FAXDC2: variants seen among roughly 807,000 people sequenced by gnomAD.
FAXDC2 encodes the protein fatty acid hydroxylase domain-containing protein 2.
FAXDC2 carries 41 observed loss-of-function variants against 40.9 expected under a neutral mutation model. The ratio of observed to expected loss-of-function variants is 1.00; its 90% CI spans 0.78 to 1.30. The LOEUF is 1.30. Ranked by LOEUF, FAXDC2 falls within the 50% of genes most tolerant of loss-of-function variation. The pLI, the probability that FAXDC2 is intolerant of heterozygous loss-of-function variation, is 0.00. For synonymous variants in FAXDC2, 157 were observed against 149.3 expected (o/e 1.05, Z -0.38); for missense variants, 390 against 408.8 (o/e 0.95, Z 0.40).
chr5:154,837,932 G>C (rs1760391663), intron 2 of FAXDC2, among the ~76,000 whole-genome samples, 199 bp downstream of exon 2: 2 of 152,224 alleles, frequency 1.3e-5, no homozygotes, highest in Admixed American at 1.3e-4. Flanking sequence ...TTCGCAGTCT[G>C]CATTCAGGCA....
At chr5:154,845,217 T>G (rs1760572132) in intron 1 of FAXDC2, among the ~76,000 whole-genome samples, 1 of 152,218 alleles carries the variant, frequency 6.6e-6, no homozygotes, top group African/African-American at 2.4e-5. Context: ...TGCAGACATG[T>G]TTTCAGTTTT....
intron 4 of FAXDC2, among the ~76,000 whole-genome samples, chr5:154,833,899 A>AC (rs1760254878): frequency 6.8e-6 from 1 of 146,776 alleles, no homozygotes; most frequent in African/African-American, 2.5e-5. Context: ...CAAACTCCTG[A>AC]CCTCGTGATC....
At chr5:154,838,231 G>A (rs1760400458) in intron 1 of FAXDC2, 53 bp from the exon 2 acceptor site, 1 of 1,575,446 alleles carries the variant, frequency 6.3e-7, no homozygotes. Context: ...AAACATCTAA[G>A]GAAGTAGGGA....
chr5:154,823,103 C>T (rs1046635907), intron 6 of FAXDC2, among the ~76,000 whole-genome samples: 1 of 152,194 alleles, frequency 6.6e-6, no homozygotes, highest in Non-Finnish European at 1.5e-5. Flanking sequence ...CCTTGACCTC[C>T]CGGGCTCATG....
intron 2 of FAXDC2, among the ~76,000 whole-genome samples, 165 bp downstream of exon 2, chr5:154,837,966 T>C (rs1305497527): frequency 6.6e-6 from 1 of 152,220 alleles, no homozygotes; most frequent in Non-Finnish European, 1.5e-5. Flanking sequence ...TAAAAGGCAG[T>C]TGGCAGTCAA....
rs1340050783 is a variant in FAXDC2, at chr5:154,834,680, C to T, written c.189G>A (p.Gln63=). 4 of 1,613,406 alleles carry T rather than the reference C, an allele frequency of 2.5e-6. No homozygotes were observed. In the Admixed American group the frequency reaches 6.7e-5, roughly 27 times the overall value. ...CAAATGTAGTCAGCAGCCTCTCCCA[C>T]TGGGCTTGCCAAAAGTAGCCAGAAG... ...WGASGYFWQA[Q]WERLLTTFEG... The change falls in exon 4 of 9, where the codon CAG becomes CAA. Residue 63 remains glutamine, a synonymous_variant. Coordinates refer to ENST00000326080, the MANE Select transcript of FAXDC2 (RefSeq NM_032385.5).
At chr5:154,835,281 A>C (rs941157143) in intron 2 of FAXDC2, 1 of 223,328 alleles carries the variant, frequency 4.5e-6, no homozygotes. Flanking sequence ...AAATGGAGAT[A>C]CCCATTATCT....
At chr5:154,847,346 T>C (rs1357309669) in intron 1 of FAXDC2, among the ~76,000 whole-genome samples, 3 of 152,186 alleles carry the variant, frequency 2.0e-5, no homozygotes, top group South Asian at 2.1e-4. Context: ...AGTGAAGCTA[T>C]AGCTAATGTT....
At chr5:154,835,261 TCC>T in intron 2 of FAXDC2, 1 of 243,734 alleles carries the variant, frequency 4.1e-6, no homozygotes. Context: ...TCATCACCAG[TCC>T]TCTTGGCAAA....
At chr5:154,835,180 C>T in intron 2 of FAXDC2, 1 of 440,096 alleles carries the variant, frequency 2.3e-6, no homozygotes, top group Non-Finnish European at 4.1e-6. Context: ...GGGAATTAGC[C>T]TGACTCCAGA....
At chr5:154,848,120 T>G (rs1270700992) in intron 1 of FAXDC2, among the ~76,000 whole-genome samples, 2 of 152,216 alleles carry the variant, frequency 1.3e-5, no homozygotes, top group African/African-American at 2.4e-5. Flanking sequence ...ATTACAGGCG[T>G]GAGCCACCAT....
chr5:154,824,400 TG>T, intron 5 of FAXDC2: 1 of 683,588 alleles, frequency 1.5e-6, no homozygotes, highest in Non-Finnish European at 2.7e-6. Context: ...CTCTGTGAGC[TG>T]GAGGGATTTC....
At chr5:154,840,197 T>C (rs1446473039) in intron 1 of FAXDC2, among the ~76,000 whole-genome samples, 1 of 152,246 alleles carries the variant, frequency 6.6e-6, no homozygotes, top group Non-Finnish European at 1.5e-5. Flanking sequence ...TCTAAATGCA[T>C]GTTTACCAGC....
At position 154,849,971 on chromosome 5, in the gene FAXDC2, C is replaced by T. The variant is rs188506323; in HGVS notation, c.-1+512G>A. ...ATCAAAACAGTTTCAACCTACTTGTCTAGCTCATAGCCCACACATCTATCC... is the reference window on the plus strand; with the variant it reads ...ATCAAAACAGTTTCAACCTACTTGTTTAGCTCATAGCCCACACATCTATCC... On this transcript the variant is annotated intron_variant, in intron 1 of 8. Coordinates refer to ENST00000326080, the MANE Select transcript of FAXDC2 (RefSeq NM_032385.5). Among the ~76,000 whole-genome samples the T allele has an allele frequency of 2.3e-3, 350 of 152,332 alleles. 4 individuals carry two copies. The highest frequency in any genetic ancestry group is 1.7e-3 in the Non-Finnish European group (113 of 68,026).
chr5:154,820,214 T>G lies in FAXDC2; in HGVS notation c.*102A>C. Reference sequence around the variant, plus strand: ...TCCCTCTACCCTGGTGGTGCCATCATTAGGGCGTGTGGCCGAAGGAGGCAA... The same window carrying G: ...TCCCTCTACCCTGGTGGTGCCATCAGTAGGGCGTGTGGCCGAAGGAGGCAA... On this transcript the variant is annotated 3_prime_UTR_variant, in exon 9 of 9. Coordinates refer to ENST00000326080, the MANE Select transcript of FAXDC2 (RefSeq NM_032385.5). 1 of 945,798 alleles carries G rather than the reference T, an allele frequency of 1.1e-6. No individual in the cohort carries two copies. The highest frequency in any genetic ancestry group is 1.6e-6 in the Non-Finnish European group (1 of 625,848). The allele number at this position is 945,798 out of a possible 1,614,324, so 58.6% of individuals were successfully genotyped here.
chr5:154,821,268 G>A lies in FAXDC2; in HGVS notation c.837C>T (p.His279=), dbSNP rs369631535. The part of the protein sequence containing the change: ...FLPSPEFHDY[H]HLKFNQCYGV... The stretch of plus-strand genomic sequence containing the variant: ...GGGGAGAAGGTCCTTACTTGAGATG[G>A]TGGTAGTCGTGGAATTCAGGCGAAG... Residue 279 remains histidine (H), a synonymous_variant, in exon 8 of 9, where the codon CAC becomes CAT. Transcript: ENST00000326080. 7.4e-6 allele frequency: 12 copies of A among 1,612,066 alleles called. No homozygotes were observed. In the South Asian group the frequency reaches 1.1e-4, roughly 15 times the overall value.
intron 1 of FAXDC2, among the ~76,000 whole-genome samples, chr5:154,841,642 C>T (rs1457310752): frequency 6.6e-6 from 1 of 152,120 alleles, no homozygotes; most frequent in Non-Finnish European, 1.5e-5. Context: ...TGGCTTGATT[C>T]TGAGTTTGGC....
intron 5 of FAXDC2, chr5:154,824,591 A>G: frequency 1.4e-6 from 1 of 702,376 alleles, no homozygotes. Flanking sequence ...TGAGGCCATT[A>G]CACCTTCTGG....
Position 154,830,923 on chromosome 5 carries a change from C to A in FAXDC2, c.245-1G>T. 1 of 1,613,494 alleles carries A rather than the reference C, an allele frequency of 6.2e-7. No individual in the cohort carries two copies. Among genetic ancestry groups the A allele is most frequent in the South Asian group, 1.1e-5 (1 of 91,056 alleles). ...AAGAGACAAGGCACTTGGATGGCAC[C>A]TGAGATTGGGAAACAGAAACAGTCA... is the stretch of plus-strand genomic sequence containing the variant. On this transcript the variant is annotated splice_acceptor_variant, in intron 4 of 8. Transcript: ENST00000326080. LOFTEE classifies it high-confidence loss of function.
Sources: allele counts gnomAD v4.1 joint callset (sites outside exome capture counted in the v4.1 genomes callset), GRCh38; gene constraint gnomAD v4.1.1; transcripts MANE v1.5; gene names NCBI Gene and HGNC (gene_info 2026-07-23, HGNC 2026-07-21).